Variants in GALNT18 observed in about 807,000 individuals in gnomAD.
GALNT18 encodes polypeptide N-acetylgalactosaminyltransferase 18.
A neutral mutation model predicts 69.5 loss-of-function variants in GALNT18; 44 were observed. The ratio of observed to expected loss-of-function variants is 0.63; its 90% CI spans 0.50 to 0.81. The LOEUF (loss-of-function observed/expected upper bound fraction) is 0.81. Among genes scored for constraint, GALNT18 ranks in the 40% least tolerant of loss-of-function variants. The probability of loss-of-function intolerance (pLI) is 0.00; values close to 1 mark genes in which losing one functional copy is unlikely to be tolerated. For synonymous variants in GALNT18, 364 were observed against 318.2 expected (o/e 1.14, Z -1.53); for missense variants, 715 against 810.0 (o/e 0.88, Z 1.42).
chr11:11,352,882 G>A (rs779553280), intron 6 of GALNT18: 71 of 1,613,936 alleles, frequency 4.4e-5, no homozygotes, highest in East Asian at 2.7e-4. Flanking sequence ...TTTATTTCAC[G>A]CTTAATTTTC....
rs755509275 is a variant in GALNT18, at chr11:11,293,096, C to A, written c.1610G>T (p.Arg537Leu). The A allele has an allele frequency of 2.2e-6, 3 of 1,379,374 alleles. No individual in the cohort carries two copies. The allele number at this position is 1,379,374 out of a possible 1,614,324, so 85.4% of individuals were successfully genotyped here. ...DNRCLVDVNS[R>L]PRLIECSYAK... ...GTAGCTGCATTCGATGAGCCGGGGCCGGCTGTTGACGTCCACCAGGCATCG... is the reference window on the plus strand; with the variant it reads ...GTAGCTGCATTCGATGAGCCGGGGCAGGCTGTTGACGTCCACCAGGCATCG... The change falls in exon 10 of 11, where the codon CGG (arginine) becomes CTG (leucine). Residue 537 changes from arginine to leucine, a missense_variant. Coordinates refer to ENST00000227756, the MANE Select transcript of GALNT18 (RefSeq NM_198516.3).
At chr11:11,552,551 T>C (rs563188260) in intron 1 of GALNT18, among the ~76,000 whole-genome samples, 24 of 151,352 alleles carry the variant, frequency 1.6e-4, no homozygotes, top group Non-Finnish European at 1.5e-5. Context: ...AGCTTCCTAA[T>C]GGCCATGAAA....
chr11:11,449,082 C>T, intron 1 of GALNT18, 146 bp from the exon 2 acceptor site: 1 of 636,638 alleles, frequency 1.6e-6, no homozygotes, highest in Non-Finnish European at 2.6e-6. Context: ...GGTTTTCATG[C>T]TTCCCAAAGA....
intron 6 of GALNT18, among the ~76,000 whole-genome samples, chr11:11,362,384 A>G (rs1323510024): frequency 6.6e-6 from 1 of 152,186 alleles, no homozygotes; most frequent in Non-Finnish European, 1.5e-5. Flanking sequence ...ACAAACAAAC[A>G]CGAGAAGTAA....
intron 1 of GALNT18, among the ~76,000 whole-genome samples, chr11:11,468,702 C>T (rs922796465): frequency 1.3e-5 from 2 of 152,110 alleles, no homozygotes; most frequent in South Asian, 2.1e-4. Context: ...TTAAGATTCT[C>T]GGGTCTGGGG....
rs1451974232 is a variant in GALNT18 at position 11,465,671 on chromosome 11, G to A, written c.236-16735C>T. Among the ~76,000 whole-genome samples, 4 of 152,244 alleles carry A rather than the reference G, an allele frequency of 2.6e-5. No individual in the cohort carries two copies. The highest frequency in any genetic ancestry group is 9.6e-5 in the African/African-American group (4 of 41,532). ...AGTGCCCAGACCACTTCATACACTT[G>A]CTTCACCCACCTGTATAAGACATAC... On this transcript the variant is annotated intron_variant, in intron 1 of 10. Transcript: ENST00000227756. The surrounding 1 kb of genome is among the most constrained non-coding windows in gnomAD (Gnocchi z 5.7).
rs188269132 is a variant in GALNT18 at position 11,564,377 on chromosome 11, C to T, written c.235+56982G>A. On this transcript the variant is annotated intron_variant, in intron 1 of 10. Transcript: ENST00000227756. This position sits in a 1 kb window ranked among gnomAD's most constrained non-coding sequence, Gnocchi z 4.3. ...AACTCCAGCTGAGAACCCAAATCCC[C>T]GGAAGGATTCCAGGCAAGTGCTCAC... 1.4e-4 allele frequency among the ~76,000 whole-genome samples: 21 copies of T among 152,294 alleles called. No homozygotes were observed. Among genetic ancestry groups the T allele is most frequent in the Non-Finnish European group, 1.9e-4 (13 of 68,014 alleles).
chr11:11,312,334 C>A (rs186978044), intron 9 of GALNT18, among the ~76,000 whole-genome samples: 106 of 152,310 alleles, frequency 7.0e-4, no homozygotes, highest in Non-Finnish European at 1.2e-3. Context: ...AAACAGTTAA[C>A]ACATATTTTG....
chr11:11,309,968 A>C lies in GALNT18; in HGVS notation c.1513-16775T>G, dbSNP rs1436850941. 2.0e-5 allele frequency among the ~76,000 whole-genome samples: 3 copies of C among 150,066 alleles called. No homozygotes were observed. Among genetic ancestry groups the C allele is most frequent in the Non-Finnish European group, 3.0e-5 (2 of 66,756 alleles). On this transcript the variant is annotated intron_variant, in intron 9 of 10. Transcript: ENST00000227756. This position sits in a 1 kb window ranked among gnomAD's most constrained non-coding sequence, Gnocchi z 4.6. ...CTACTTATTTCTTCCCTTCAGTCTC[A>C]AAACATGTTCCCTTATTGCTTTCTT...
chr11:11,344,120 C>T (rs1564902706), intron 6 of GALNT18, among the ~76,000 whole-genome samples: 1 of 152,234 alleles, frequency 6.6e-6, no homozygotes, highest in East Asian at 1.9e-4. Flanking sequence ...CTCTCCTGCA[C>T]CATGCCCCTG....
intron 3 of GALNT18, among the ~76,000 whole-genome samples, chr11:11,416,748 T>G (rs758942176): frequency 2.6e-5 from 4 of 151,918 alleles, no homozygotes; most frequent in Admixed American, 6.6e-5. Context: ...TCCCCCAGGG[T>G]AGCAGGTCAC....
At chr11:11,577,519 G>A (rs528357708) in intron 1 of GALNT18, among the ~76,000 whole-genome samples, 5 of 152,082 alleles carry the variant, frequency 3.3e-5, no homozygotes, top group African/African-American at 9.7e-5. Context: ...TCCAATTTCC[G>A]TTTTGTTAGA....
At chr11:11,354,717 T>C (rs1291619990) in intron 6 of GALNT18, among the ~76,000 whole-genome samples, 1 of 152,138 alleles carries the variant, frequency 6.6e-6, no homozygotes, top group Non-Finnish European at 1.5e-5. Context: ...GAAAACACAC[T>C]ACATTCCTCT....
At chr11:11,515,832 G>T in intron 1 of GALNT18, among the ~76,000 whole-genome samples, 1 of 152,320 alleles carries the variant, frequency 6.6e-6, no homozygotes, top group African/African-American at 2.4e-5. Context: ...CAGGAAGGAA[G>T]GGCCCTGAAA....
intron 7 of GALNT18, among the ~76,000 whole-genome samples, chr11:11,335,094 C>G (rs559712263): frequency 5.3e-5 from 8 of 152,328 alleles, no homozygotes; most frequent in African/African-American, 1.9e-4. Flanking sequence ...TTATAGGGAG[C>G]CAGTAGAAGA....
At chr11:11,276,427 G>A (rs1848948869) in intron 10 of GALNT18, among the ~76,000 whole-genome samples, 1 of 152,146 alleles carries the variant, frequency 6.6e-6, no homozygotes, top group East Asian at 1.9e-4. Context: ...GGAGATTTGG[G>A]GCTGAGACAA....
At chr11:11,434,005 T>C (rs1253894876) in intron 2 of GALNT18, among the ~76,000 whole-genome samples, 5 of 151,994 alleles carry the variant, frequency 3.3e-5, no homozygotes, top group Non-Finnish European at 7.4e-5. Flanking sequence ...TTCTGCTTGT[T>C]GGTAATTGCA....
Position 11,592,532 on chromosome 11 carries a change from C to T in GALNT18, c.235+28827G>A, listed in dbSNP as rs79809410. Among the ~76,000 whole-genome samples, 3,683 of 152,230 alleles carry T rather than the reference C, an allele frequency of 0.024. 157 individuals are homozygous for T. Among genetic ancestry groups the T allele is most frequent in the African/African-American group, 0.085 (3,512 of 41,528 alleles). Reference sequence around the variant, plus strand: ...GAACCATGCTCCCTCACCTTACCCCCACACACAGCACACGCCCTGGGTCTG... The same window carrying T: ...GAACCATGCTCCCTCACCTTACCCCTACACACAGCACACGCCCTGGGTCTG... On this transcript the variant is annotated intron_variant, in intron 1 of 10. Transcript: ENST00000227756. The surrounding 1 kb of genome is among the most constrained non-coding windows in gnomAD (Gnocchi z 5.9).
rs1476365124 is a variant in GALNT18 at position 11,469,452 on chromosome 11, G to A, written c.236-20516C>T. On this transcript the variant is annotated intron_variant, in intron 1 of 10. Transcript: ENST00000227756. This position sits in a 1 kb window ranked among gnomAD's most constrained non-coding sequence, Gnocchi z 4.2. ...TCCATGGCAGAGACAGGCTGCTGCA[G>A]GGCTCAACAGAAGCCCCTGTCCTCT... 1.3e-5 allele frequency among the ~76,000 whole-genome samples: 2 copies of A among 152,176 alleles called. No individual in the cohort carries two copies. The highest frequency in any genetic ancestry group is 4.8e-5 in the African/African-American group (2 of 41,442).
Sources: gnomAD v4.1 joint callset for allele counts (sites outside exome capture counted in the v4.1 genomes callset) on GRCh38, gnomAD v4.1.1 for gene constraint, Gnocchi (gnomAD v3.1) non-coding constraint, MANE v1.5 for transcripts, NCBI Gene and HGNC (gene_info 2026-07-23, HGNC 2026-07-21) for gene names.